The following SGCD variants were observed in gnomAD, a reference collection of about 807,000 sequenced individuals.
The protein encoded by SGCD is sarcoglycan delta.
A neutral mutation model predicts 36.6 loss-of-function variants in SGCD; 18 were observed. The ratio of observed to expected loss-of-function variants is 0.49; its 90% CI spans 0.34 to 0.73. SGCD has a LOEUF of 0.73. Ranked by LOEUF, SGCD falls within the 30% of genes least tolerant of loss-of-function variation. SGCD has a pLI of 0.01. For missense variants in SGCD, 387 were observed against 346.7 expected, an observed-to-expected ratio of 1.12 and a Z score of -0.92; for synonymous variants, 133 against 130.6, an observed-to-expected ratio of 1.02 and a Z score of -0.12.
intron 3 of SGCD, among the ~76,000 whole-genome samples, chr5:156,204,572 G>T (rs1764228118): frequency 6.6e-6 from 1 of 151,816 alleles, no homozygotes; most frequent in African/African-American, 2.4e-5. Context: ...AATGATGTAG[G>T]CATATACGTG....
chr5:156,348,210 G>A lies in SGCD; in HGVS notation c.192+3533G>A, dbSNP rs556603110. Reference sequence around the variant, plus strand: ...AAATCAATGAGATGGCAGTAAAGCAGTTTATGCAGAGATTTAAAAATATAT... The same window carrying A: ...AAATCAATGAGATGGCAGTAAAGCAATTTATGCAGAGATTTAAAAATATAT... On this transcript the variant is annotated intron_variant, in intron 3 of 8. Coordinates refer to ENST00000337851, the MANE Select transcript of SGCD (RefSeq NM_000337.6). 5.9e-5 allele frequency among the ~76,000 whole-genome samples: 9 copies of A among 152,170 alleles called. No homozygotes were observed. The South Asian group carries it at 1.0e-3, about 18-fold the overall frequency.
the SGCD span, among the ~76,000 whole-genome samples, chr5:155,830,366 C>T: frequency 6.6e-6 from 1 of 151,922 alleles, no homozygotes; most frequent in East Asian, 1.9e-4. Context: ...TATAAAGACT[C>T]CAGTTCTGTT....
At position 156,590,594 on chromosome 5, in the gene SGCD, G is replaced by A. The variant is rs564060430; in HGVS notation, c.382+1276G>A. On this transcript the variant is annotated intron_variant, in intron 5 of 8. Transcript: ENST00000337851. ...TAATAAATCCAACCTCCAGCTCCCA[G>A]ATTTTCACATTCAAAAGGAACTTAT... Among the ~76,000 whole-genome samples the A allele has an allele frequency of 3.3e-5, 5 of 152,216 alleles. No homozygotes were observed. The South Asian group carries it at 1.0e-3, about 32-fold the overall frequency.
At chr5:156,332,173 C>G (rs931461702) in intron 2 of SGCD, among the ~76,000 whole-genome samples, 4 of 152,222 alleles carry the variant, frequency 2.6e-5, no homozygotes, top group African/African-American at 7.2e-5. Flanking sequence ...GTCCCCACCC[C>G]TCTGATGTTA....
At chr5:156,135,523 C>T (rs1357437328) in intron 3 of SGCD, among the ~76,000 whole-genome samples, 2 of 152,158 alleles carry the variant, frequency 1.3e-5, no homozygotes, top group Admixed American at 1.3e-4. Context: ...TACTTGATAC[C>T]AGCATGGAAA....
At chr5:156,634,740 T>C (rs769337347) in intron 6 of SGCD, among the ~76,000 whole-genome samples, 7 of 152,114 alleles carry the variant, frequency 4.6e-5, no homozygotes, top group Non-Finnish European at 8.8e-5. Context: ...TCTATTAATA[T>C]GCACCACAAA....
At chr5:156,702,144 T>C (rs1754552216) in intron 7 of SGCD, among the ~76,000 whole-genome samples, 1 of 152,208 alleles carries the variant, frequency 6.6e-6, no homozygotes, top group South Asian at 2.1e-4. Flanking sequence ...TCTGGGTCTA[T>C]ATGCATTTAT....
chr5:156,412,387 T>C (rs1264074419), intron 3 of SGCD, among the ~76,000 whole-genome samples: 1 of 152,244 alleles, frequency 6.6e-6, no homozygotes, highest in South Asian at 2.1e-4. Context: ...TTTCTACCTA[T>C]GTTTATAAAT....
intron 3 of SGCD, among the ~76,000 whole-genome samples, chr5:156,363,246 C>T (rs1769903399): frequency 2.6e-5 from 4 of 152,130 alleles, no homozygotes; most frequent in Admixed American, 2.6e-4. Flanking sequence ...TGTCAGATTT[C>T]AGTTTATCTA....
At chr5:156,369,777 G>T (rs547268485) in intron 3 of SGCD, among the ~76,000 whole-genome samples, 1 of 152,160 alleles carries the variant, frequency 6.6e-6, no homozygotes, top group African/African-American at 2.4e-5. Context: ...GACATTGGGG[G>T]TTTAAAACCA....
chr5:156,117,486 G>T (rs1377030033), intron 1 of SGCD, among the ~76,000 whole-genome samples: 1 of 151,928 alleles, frequency 6.6e-6, no homozygotes, highest in East Asian at 1.9e-4. Context: ...TTCTGTAACT[G>T]GTCAGCTGAC....
At chr5:156,162,470 G>A (rs907279945) in intron 3 of SGCD, among the ~76,000 whole-genome samples, 2 of 151,530 alleles carry the variant, frequency 1.3e-5, no homozygotes, top group Non-Finnish European at 2.9e-5. Context: ...TCTCCATTGA[G>A]CAAGTGGTCA....
At chr5:156,480,637 C>T (rs940826891) in intron 3 of SGCD, among the ~76,000 whole-genome samples, 1 of 152,154 alleles carries the variant, frequency 6.6e-6, no homozygotes, top group Non-Finnish European at 1.5e-5. Context: ...AGTAAGTGTT[C>T]TAATAACTTC....
At chr5:156,217,618 A>G (rs1473507418) in intron 3 of SGCD, among the ~76,000 whole-genome samples, 1 of 152,154 alleles carries the variant, frequency 6.6e-6, no homozygotes, top group Non-Finnish European at 1.5e-5. Flanking sequence ...AGTTTAGGTA[A>G]AATGCTGAGA....
chr5:155,936,018 A>G (rs756623769), intron 1 of SGCD, among the ~76,000 whole-genome samples: 1 of 152,094 alleles, frequency 6.6e-6, no homozygotes, highest in African/African-American at 2.4e-5. Context: ...AGCAGCTTCC[A>G]TGGCTGACAC....
chr5:156,563,283 A>G (rs375766241), intron 4 of SGCD, among the ~76,000 whole-genome samples: 32 of 152,254 alleles, frequency 2.1e-4, no homozygotes, highest in Middle Eastern at 6.8e-3. Flanking sequence ...TGCCCAGCTG[A>G]CAGACCATTA....
intron 4 of SGCD, among the ~76,000 whole-genome samples, chr5:156,569,717 T>A (rs1026776401): frequency 5.3e-5 from 8 of 151,604 alleles, no homozygotes; most frequent in African/African-American, 1.7e-4. Context: ...GAGGCTACTG[T>A]GTTAGGCAAG....
chr5:156,288,936 GC>G (rs781433337), intron 3 of SGCD, among the ~76,000 whole-genome samples: 116 of 151,910 alleles, frequency 7.6e-4, no homozygotes, highest in Non-Finnish European at 6.8e-4. Context: ...ATTATTTTTT[GC>G]CCCCATGGCC....
chr5:155,842,867 A>C, the SGCD span, among the ~76,000 whole-genome samples: 27 of 152,364 alleles, frequency 1.8e-4, no homozygotes, highest in African/African-American at 6.5e-4. Flanking sequence ...TTAGTTTTTA[A>C]TATCAGGGCA....
Sources: allele counts gnomAD v4.1 joint callset (sites outside exome capture counted in the v4.1 genomes callset), GRCh38; gene constraint gnomAD v4.1.1; transcripts MANE v1.5; gene names NCBI Gene and HGNC (gene_info 2026-07-23, HGNC 2026-07-21).